BLM: variants seen among roughly 807,000 people sequenced by gnomAD.
BLM encodes the protein BLM RecQ like helicase.
In BLM, 95 loss-of-function variants were observed where a neutral mutation model predicts 135.3. The observed-to-expected ratio is 0.70, with a 90% CI of 0.59 to 0.83. BLM has a LOEUF of 0.83. BLM is among the 40% of genes least tolerant of loss of function. The pLI, the probability that BLM is intolerant of heterozygous loss-of-function variation, is 0.00. For missense variants in BLM, 1,518 were observed against 1,663.9 expected, an observed-to-expected ratio of 0.91 and a Z score of 1.53; for synonymous variants, 520 against 589.2, an observed-to-expected ratio of 0.88 and a Z score of 1.70.
intron 5 of BLM, chr15:90,755,181 A>T (rs775063071): frequency 1.5e-5 from 8 of 540,386 alleles, no homozygotes; most frequent in Non-Finnish European, 2.6e-5. Context: ...GTTAGAAATC[A>T]TCTCTCATAC....
chr15:90,734,570 G>T (rs1171680656), intron 1 of BLM, among the ~76,000 whole-genome samples: 1 of 152,042 alleles, frequency 6.6e-6, no homozygotes, highest in Non-Finnish European at 1.5e-5. Context: ...TTACAGATGT[G>T]AGCCACCATG....
chr15:90,741,806 A>G (rs1240650151), intron 1 of BLM, among the ~76,000 whole-genome samples: 1 of 152,176 alleles, frequency 6.6e-6, no homozygotes, highest in African/African-American at 2.4e-5. Context: ...CATTGGCAAG[A>G]GCATCCAATA....
intron 1 of BLM, among the ~76,000 whole-genome samples, chr15:90,731,961 A>G (rs1445795106): frequency 2.6e-5 from 4 of 152,120 alleles, no homozygotes; most frequent in Non-Finnish European, 5.9e-5. Context: ...TGGCTTCCCA[A>G]AGTGCTGGGA....
chr15:90,809,164 T>A lies in BLM; in HGVS notation c.3779T>A (p.Leu1260Ter). The part of the protein sequence containing the change: ...AESLSSDPEV[L>*]LQIDGVTEDK... ...TCTTTATCTTCTGATCCTGAGGTTT[T>A]GCTTCAAATTGATGGTGTTACTGAA... The change falls in exon 20 of 22, where the codon TTG becomes TAG. Residue 1260 changes from leucine (L) to a stop codon, truncating the protein, a stop_gained. Transcript: ENST00000355112. LOFTEE classifies it high-confidence loss of function. 1 of 1,614,226 alleles carries A rather than the reference T, an allele frequency of 6.2e-7. No homozygotes were observed. Among genetic ancestry groups the A allele is most frequent in the Non-Finnish European group, 8.5e-7 (1 of 1,180,022 alleles).
chr15:90,759,957 T>C, intron 5 of BLM, 190 bp from the exon 6 acceptor site: 2 of 123,272 alleles, frequency 1.6e-5, no homozygotes, highest in African/African-American at 3.1e-5. Flanking sequence ...ATCTTAAGAC[T>C]TTTTTTTTTT....
chr15:90,786,467 T>G (rs1896751816), intron 14 of BLM, among the ~76,000 whole-genome samples: 1 of 152,256 alleles, frequency 6.6e-6, no homozygotes, highest in South Asian at 2.1e-4. Context: ...AAAGTGGCTC[T>G]GCAGTTCTGC....
chr15:90,793,242 T>TCTCAGC (rs1896950318), intron 15 of BLM, among the ~76,000 whole-genome samples: 1 of 145,240 alleles, frequency 6.9e-6, no homozygotes, highest in Non-Finnish European at 1.5e-5. Flanking sequence ...TTCAAGCGAT[T>TCTCAGC]CTCAGCCTCA....
At position 90,760,200 on chromosome 15, in the gene BLM, AAATT is replaced by A. The variant is rs1305359461; in HGVS notation, c.1146_1149del (p.Asp384LeufsTer7). The A allele has an allele frequency of 6.2e-7, 1 of 1,613,614 alleles. No homozygotes were observed. Among genetic ancestry groups the A allele is most frequent in the East Asian group, 2.2e-5 (1 of 44,872 alleles). ...TATTCATGTGATGGAGCACATCTGT[AAATT>A]AATTGATACTATTCCTGATGATAAA... On this transcript the variant is annotated frameshift_variant, in exon 6 of 22. Coordinates refer to ENST00000355112, the MANE Select transcript of BLM (RefSeq NM_000057.4). LOFTEE classifies it high-confidence loss of function.
At chr15:90,743,401 T>C (rs941191834) in intron 1 of BLM, among the ~76,000 whole-genome samples, 3 of 152,216 alleles carry the variant, frequency 2.0e-5, no homozygotes, top group African/African-American at 7.2e-5. Context: ...AGGTTTATTT[T>C]TTTAGTTTCT....
At chr15:90,807,018 G>A (rs1013454119) in intron 19 of BLM, among the ~76,000 whole-genome samples, 6 of 152,168 alleles carry the variant, frequency 3.9e-5, no homozygotes, top group African/African-American at 1.4e-4. Context: ...ATTACCGTAG[G>A]TACTTATAAA....
At chr15:90,721,227 G>A (rs1001594536) in intron 1 of BLM, among the ~76,000 whole-genome samples, 4 of 152,052 alleles carry the variant, frequency 2.6e-5, no homozygotes, top group African/African-American at 9.7e-5. Flanking sequence ...CTGGTGAGCT[G>A]TTGTGTTTAT....
chr15:90,748,430 A>G (rs1895568050), intron 2 of BLM, among the ~76,000 whole-genome samples: 1 of 152,134 alleles, frequency 6.6e-6, no homozygotes, highest in South Asian at 2.1e-4. Flanking sequence ...ATAATTTTAT[A>G]TACTTTCGAA....
At chr15:90,789,102 A>C (rs908489287) in intron 14 of BLM, among the ~76,000 whole-genome samples, 1 of 152,096 alleles carries the variant, frequency 6.6e-6, no homozygotes, top group African/African-American at 2.4e-5. Flanking sequence ...AGGGGTTTAT[A>C]AAAACCTAAT....
At position 90,740,098 on chromosome 15, in the gene BLM, A is replaced by G. The variant is rs114859565; in HGVS notation, c.-4-7291A>G. Reference sequence around the variant, plus strand: ...AGGTCTATTGAAATACATTACACATATAAAATTCACCCATTAAACTGTACA... The same window carrying G: ...AGGTCTATTGAAATACATTACACATGTAAAATTCACCCATTAAACTGTACA... On this transcript the variant is annotated intron_variant, in intron 1 of 21. Transcript: ENST00000355112. 8.5e-3 allele frequency among the ~76,000 whole-genome samples: 1,287 copies of G among 152,258 alleles called. 14 individuals carry two copies. The highest frequency in any genetic ancestry group is 0.03 in the African/African-American group (1,239 of 41,538).
At position 90,796,052 on chromosome 15, in the gene BLM, A is replaced by G. The variant is rs1008807721; in HGVS notation, c.3210+1695A>G. Among the ~76,000 whole-genome samples, 13 of 152,272 alleles carry G rather than the reference A, an allele frequency of 8.5e-5. 1 individual carries two copies. The East Asian group carries it at 2.5e-3, about 29-fold the overall frequency. On this transcript the variant is annotated intron_variant, in intron 16 of 21. Coordinates refer to ENST00000355112, the MANE Select transcript of BLM (RefSeq NM_000057.4). ...AAGGGAGCCCATGTGGCTGAGCAGG[A>G]TTAAGAGCCAGTGAGGGGAAGAGGT...
intron 1 of BLM, among the ~76,000 whole-genome samples, chr15:90,733,242 T>C (rs541033831): frequency 1.3e-5 from 2 of 152,368 alleles, no homozygotes; most frequent in African/African-American, 4.8e-5. Flanking sequence ...GATTAATTTA[T>C]GTACCTTTAC....
At chr15:90,745,716 A>G (rs926977505) in intron 1 of BLM, among the ~76,000 whole-genome samples, 1 of 152,136 alleles carries the variant, frequency 6.6e-6, no homozygotes, top group African/African-American at 2.4e-5. Context: ...CAGCCACGTG[A>G]ATATACTGTA....
chr15:90,754,707 T>C, intron 4 of BLM, 104 bp from the exon 5 acceptor site: 1 of 1,246,272 alleles, frequency 8.0e-7, no homozygotes, highest in South Asian at 1.4e-5. Flanking sequence ...TTTTCTGTTA[T>C]ATATTGTCTG....
At chr15:90,795,146 T>C (rs991854837) in intron 16 of BLM, among the ~76,000 whole-genome samples, 5 of 152,168 alleles carry the variant, frequency 3.3e-5, no homozygotes, top group Non-Finnish European at 4.4e-5. Context: ...GACCAATTCA[T>C]AGACTGGAGT....
Sources: gnomAD v4.1 joint callset for allele counts (sites outside exome capture counted in the v4.1 genomes callset) on GRCh38, gnomAD v4.1.1 for gene constraint, MANE v1.5 for transcripts, NCBI Gene and HGNC (gene_info 2026-07-23, HGNC 2026-07-21) for gene names.